The following CUX1 variants were observed in gnomAD, a reference collection of about 807,000 sequenced individuals.
The protein encoded by CUX1 is protein CASP.
In CUX1, 31 loss-of-function variants were observed where a neutral mutation model predicts 158.8. That is an observed-to-expected ratio of 0.20 (90% CI 0.15 to 0.26). CUX1 has a LOEUF of 0.26. Ranked by LOEUF, CUX1 falls within the 10% of genes least tolerant of loss-of-function variation. The pLI is 1.00. For synonymous variants in CUX1, 879 were observed against 862.1 expected, an observed-to-expected ratio of 1.02 and a Z score of -0.34; for missense variants, 1,589 against 2,014.6, an observed-to-expected ratio of 0.79 and a Z score of 4.04.
At chr7:101,870,451 A>G (rs1304358725) in intron 1 of CUX1, among the ~76,000 whole-genome samples, 2 of 152,114 alleles carry the variant, frequency 1.3e-5, no homozygotes, top group Non-Finnish European at 2.9e-5. Flanking sequence ...GATTACAGGC[A>G]TGAGACATTC....
chr7:102,053,613 C>T (rs1339930563), intron 3 of CUX1, among the ~76,000 whole-genome samples: 5 of 152,084 alleles, frequency 3.3e-5, no homozygotes, highest in East Asian at 1.9e-4. Context: ...CCTCTGGTAA[C>T]CATCCTTCTA....
At chr7:102,051,935 G>T (rs1823558953) in intron 3 of CUX1, among the ~76,000 whole-genome samples, 1 of 152,136 alleles carries the variant, frequency 6.6e-6, no homozygotes, top group African/African-American at 2.4e-5. Flanking sequence ...ATACTGGCCG[G>T]GCGCGGTGGC....
chr7:102,259,224 C>T (rs532375092), downstream of CUX1, among the ~76,000 whole-genome samples: 2 of 152,348 alleles, frequency 1.3e-5, no homozygotes, highest in African/African-American at 4.8e-5. Flanking sequence ...GATGCAGTCA[C>T]TTAGGGCCGG....
intron 22 of CUX1, 138 bp from the exon 23 acceptor site, chr7:102,239,182 C>A (rs1554533881): frequency 6.9e-6 from 7 of 1,021,118 alleles, no homozygotes; most frequent in Non-Finnish European, 9.7e-6. Flanking sequence ...CCACCATGCC[C>A]AGCCTCATCT....
chr7:102,274,177 T>C, intron 15 of CUX1: 1 of 1,486,206 alleles, frequency 6.7e-7, no homozygotes, highest in Non-Finnish European at 9.3e-7. Context: ...GCCTTGGCCA[T>C]GCTGAAAGGG....
At chr7:101,883,841 C>T (rs1237508568) in intron 1 of CUX1, among the ~76,000 whole-genome samples, 1 of 152,068 alleles carries the variant, frequency 6.6e-6, no homozygotes, top group African/African-American at 2.4e-5. Context: ...AGTGATCCAC[C>T]GACCTCGACC....
chr7:101,978,351 G>T (rs1453903677), intron 2 of CUX1, among the ~76,000 whole-genome samples: 1 of 152,108 alleles, frequency 6.6e-6, no homozygotes, highest in Non-Finnish European at 1.5e-5. Context: ...ACCACCCAGG[G>T]GCTGCTCAGG....
At chr7:102,159,640 C>T (rs1404151324) in intron 9 of CUX1, among the ~76,000 whole-genome samples, 1 of 151,600 alleles carries the variant, frequency 6.6e-6, no homozygotes, top group Non-Finnish European at 1.5e-5. Context: ...GTGGGAGGAT[C>T]ACTTGAGGTC....
In CUX1 at chr7:102,161,861, G is replaced by C. The variant is rs185966956; in HGVS notation, c.723+3253G>C. On this transcript the variant is annotated intron_variant, in intron 9 of 23. Transcript: ENST00000292535. ...GACCTCAGGTGATCTGCCCACCTTG[G>C]CCTCCCTAAGTGCTGGGGTTACAGG... is the stretch of plus-strand genomic sequence containing the variant. Among the ~76,000 whole-genome samples, 164 of 152,282 alleles carry C rather than the reference G, an allele frequency of 1.1e-3. 2 individuals carry two copies. The highest frequency in any genetic ancestry group is 3.8e-3 in the African/African-American group (159 of 41,564).
At chr7:102,217,533 G>T (rs1230152191) in intron 20 of CUX1, among the ~76,000 whole-genome samples, 2 of 152,268 alleles carry the variant, frequency 1.3e-5, no homozygotes, top group African/African-American at 4.8e-5. Context: ...GATGAAAGAG[G>T]AGAGTCGAAA....
chr7:101,836,066 C>T (rs573210195), intron 1 of CUX1, among the ~76,000 whole-genome samples: 9 of 152,166 alleles, frequency 5.9e-5, no homozygotes, highest in African/African-American at 1.2e-4. Context: ...AAATTATGAT[C>T]GACTATAGTC....
At chr7:101,856,448 C>G (rs990208331) in intron 1 of CUX1, among the ~76,000 whole-genome samples, 1 of 152,162 alleles carries the variant, frequency 6.6e-6, no homozygotes, top group Non-Finnish European at 1.5e-5. Flanking sequence ...ATGGTCCCAT[C>G]AAGAAGTCTG....
intron 20 of CUX1, among the ~76,000 whole-genome samples, chr7:102,209,569 A>AT (rs1357356297): frequency 2.6e-5 from 4 of 151,654 alleles, no homozygotes; most frequent in East Asian, 1.9e-4. Context: ...TTCTACAAAT[A>AT]TTTTTTTTTG....
chr7:101,965,547 C>T (rs1028784605), intron 2 of CUX1, among the ~76,000 whole-genome samples: 5 of 152,114 alleles, frequency 3.3e-5, no homozygotes, highest in Admixed American at 6.5e-5. Flanking sequence ...TTGTTGCCAG[C>T]GTTAAAAAAT....
intron 9 of CUX1, among the ~76,000 whole-genome samples, chr7:102,168,928 C>CTTTTTTTTTTTTTTTTTTTT (rs1343334279): frequency 2.9e-5 from 1 of 34,094 alleles, no homozygotes; most frequent in African/African-American, 2.2e-4. Context: ...CTTTTCTTTT[C>CTTTTTTTTTTTTTTTTTTTT]TTTTATTTTC....
chr7:102,139,593 G>T (rs566786816), intron 8 of CUX1, among the ~76,000 whole-genome samples: 1 of 152,118 alleles, frequency 6.6e-6, no homozygotes. Context: ...ACAGAAATTC[G>T]AGACAGGCTG....
At chr7:102,164,580 C>T (rs1790804907) in intron 9 of CUX1, among the ~76,000 whole-genome samples, 2 of 152,338 alleles carry the variant, frequency 1.3e-5, no homozygotes, top group Admixed American at 1.3e-4. Flanking sequence ...AGCTGACCCT[C>T]ACCACGGAGA....
At chr7:101,962,126 A>G (rs900173812) in intron 2 of CUX1, among the ~76,000 whole-genome samples, 2 of 152,206 alleles carry the variant, frequency 1.3e-5, no homozygotes, top group Admixed American at 6.5e-5. Context: ...GTGATCAGAA[A>G]AATATAAACT....
intron 23 of CUX1, among the ~76,000 whole-genome samples, chr7:102,245,428 C>T (rs1350552707): frequency 2.0e-5 from 3 of 152,084 alleles, no homozygotes; most frequent in African/African-American, 7.2e-5. Context: ...ATTTTACAGG[C>T]AAAGTCTGCA....
Sources: allele counts gnomAD v4.1 joint callset (sites outside exome capture counted in the v4.1 genomes callset), GRCh38; gene constraint gnomAD v4.1.1; transcripts MANE v1.5; gene names NCBI Gene and HGNC (gene_info 2026-07-23, HGNC 2026-07-21).